Variants in THRB observed in about 807,000 individuals in gnomAD.
THRB encodes thyroid hormone receptor beta, also known as nuclear receptor subfamily 1 group A member 2.
THRB carries 12 observed loss-of-function variants against 47.8 expected under a neutral mutation model. The observed-to-expected ratio is 0.25, with a 90% CI of 0.16 to 0.41. THRB has a LOEUF of 0.41. THRB is among the 10% of genes least tolerant of loss of function. The pLI is 1.00. For synonymous variants in THRB, 218 were observed against 212.2 expected, an observed-to-expected ratio of 1.03 and a Z score of -0.24; for missense variants, 348 against 589.2, an observed-to-expected ratio of 0.59 and a Z score of 4.24.
At chr3:24,262,885 G>A (rs1337921937) in intron 3 of THRB, among the ~76,000 whole-genome samples, 1 of 151,820 alleles carries the variant, frequency 6.6e-6, no homozygotes, top group African/African-American at 2.4e-5. Flanking sequence ...TCTATCTCTA[G>A]AAACTACAAT....
intron 4 of THRB, among the ~76,000 whole-genome samples, chr3:24,223,498 A>G (rs1157236485): frequency 6.6e-6 from 1 of 152,232 alleles, no homozygotes; most frequent in South Asian, 2.1e-4. Flanking sequence ...CAAAAATGCT[A>G]TGGAACCATA....
chr3:24,127,427 CA>C, intron 10 of THRB, 71 bp downstream of exon 10: 1 of 1,538,416 alleles, frequency 6.5e-7, no homozygotes. Flanking sequence ...ACTGAAAACT[CA>C]AGTGATTGGA....
In THRB at chr3:24,195,646, T is replaced by G. The variant is rs193122592; in HGVS notation, c.23-5312A>C. 2.0e-4 allele frequency among the ~76,000 whole-genome samples: 30 copies of G among 152,242 alleles called. 1 individual carries two copies. The highest frequency in any genetic ancestry group is 9.2e-4 in the Admixed American group (14 of 15,294). On this transcript the variant is annotated intron_variant, in intron 4 of 10. Transcript: ENST00000646209. ...ATATTAGAATAAAATCTTCAGGCCT[T>G]ACAGTGGCCTCAAGGCCCCACTGAG... is the stretch of plus-strand genomic sequence containing the variant.
intron 8 of THRB, among the ~76,000 whole-genome samples, chr3:24,136,944 C>T (rs2034758810): frequency 6.6e-6 from 1 of 152,208 alleles, no homozygotes; most frequent in African/African-American, 2.4e-5. Flanking sequence ...TGTCTCTCAT[C>T]TCTGTCTTTT....
chr3:24,437,960 G>A (rs987926282), intron 1 of THRB, among the ~76,000 whole-genome samples: 5 of 151,466 alleles, frequency 3.3e-5, no homozygotes, highest in African/African-American at 9.7e-5. Context: ...AAGCAGGACG[G>A]CATCTTAATA....
At chr3:24,408,331 G>A (rs1424694340) in intron 1 of THRB, among the ~76,000 whole-genome samples, 1 of 151,814 alleles carries the variant, frequency 6.6e-6, no homozygotes, top group Non-Finnish European at 1.5e-5. Context: ...CTCTGAGAAG[G>A]GAGTAACATT....
chr3:24,246,549 G>A (rs1003215442), intron 3 of THRB, among the ~76,000 whole-genome samples: 1 of 152,118 alleles, frequency 6.6e-6, no homozygotes, highest in Non-Finnish European at 1.5e-5. Flanking sequence ...ATTTAATGAC[G>A]GGATAACCCA....
At chr3:24,297,514 T>G (rs1258364000) in intron 2 of THRB, 143 bp from the exon 3 acceptor site, 1 of 152,254 alleles carries the variant, frequency 6.6e-6, no homozygotes, top group Non-Finnish European at 1.5e-5. Context: ...AGACGAGTTA[T>G]GAAGGCCCTA....
At chr3:24,236,354 T>C (rs1428414148) in intron 3 of THRB, among the ~76,000 whole-genome samples, 5 of 152,196 alleles carry the variant, frequency 3.3e-5, no homozygotes, top group African/African-American at 1.2e-4. Context: ...TCACAATTCC[T>C]GCCCTCTCAG....
At chr3:24,146,606 G>C (rs182526356) in intron 7 of THRB, 69 bp downstream of exon 7, 10 of 1,545,500 alleles carry the variant, frequency 6.5e-6, no homozygotes, top group Non-Finnish European at 8.9e-6. Flanking sequence ...CTGCCCAGTC[G>C]ATCTCCTTGA....
chr3:24,171,587 C>A (rs2040445153), intron 5 of THRB, among the ~76,000 whole-genome samples: 1 of 152,066 alleles, frequency 6.6e-6, no homozygotes, highest in Non-Finnish European at 1.5e-5. Flanking sequence ...AGGCCGTGAC[C>A]CACTCCTGCT....
intron 1 of THRB, among the ~76,000 whole-genome samples, chr3:24,448,953 A>G (rs1006293329): frequency 2.6e-5 from 4 of 152,184 alleles, no homozygotes; most frequent in African/African-American, 9.6e-5. Context: ...GAGAATGGCA[A>G]ACAAAACAGC....
chr3:24,219,875 C>T (rs1365582609), intron 4 of THRB, among the ~76,000 whole-genome samples: 1 of 152,184 alleles, frequency 6.6e-6, no homozygotes, highest in Non-Finnish European at 1.5e-5. Flanking sequence ...TCTGATCCCA[C>T]CACCAAGTTT....
At chr3:24,220,982 T>C (rs1246878812) in intron 4 of THRB, among the ~76,000 whole-genome samples, 1 of 152,162 alleles carries the variant, frequency 6.6e-6, no homozygotes, top group Admixed American at 6.5e-5. Flanking sequence ...AGAAAATGAC[T>C]CAGTTCAGTT....
chr3:24,293,879 T>C (rs1469841006), intron 3 of THRB, among the ~76,000 whole-genome samples: 1 of 152,216 alleles, frequency 6.6e-6, no homozygotes, highest in East Asian at 1.9e-4. Flanking sequence ...ACCAACCATC[T>C]TGTTTTCCTT....
chr3:24,201,154 A>G (rs2044544377), intron 4 of THRB, among the ~76,000 whole-genome samples: 1 of 152,046 alleles, frequency 6.6e-6, no homozygotes, highest in South Asian at 2.1e-4. Flanking sequence ...GAAAATGAAG[A>G]GAAGCAGGTA....
intron 4 of THRB, among the ~76,000 whole-genome samples, chr3:24,226,576 G>T (rs370922223): frequency 6.6e-6 from 1 of 152,160 alleles, no homozygotes; most frequent in Non-Finnish European, 1.5e-5. Flanking sequence ...CTCAGTCTGC[G>T]AGGAAAGCAT....
intron 1 of THRB, among the ~76,000 whole-genome samples, chr3:24,392,049 T>C (rs1464044088): frequency 6.6e-6 from 1 of 152,164 alleles, no homozygotes; most frequent in East Asian, 1.9e-4. Context: ...CCGCTGAGAA[T>C]TTTGCCATTT....
chr3:24,277,231 T>A (rs1213535515), intron 3 of THRB, among the ~76,000 whole-genome samples: 1 of 152,146 alleles, frequency 6.6e-6, no homozygotes, highest in African/African-American at 2.4e-5. Flanking sequence ...CTGGAGATAT[T>A]TTTTATTGTC....
Sources: gnomAD v4.1 joint callset for allele counts (sites outside exome capture counted in the v4.1 genomes callset) on GRCh38, gnomAD v4.1.1 for gene constraint, MANE v1.5 for transcripts, NCBI Gene and HGNC (gene_info 2026-07-23, HGNC 2026-07-21) for gene names.